Variants in KLF3 observed in about 807,000 individuals in gnomAD.
KLF3 encodes the protein KLF transcription factor 3.
A neutral mutation model predicts 32.7 loss-of-function variants in KLF3; 6 were observed. That is an observed-to-expected ratio of 0.18 (90% CI 0.10 to 0.36). The LOEUF (loss-of-function observed/expected upper bound fraction) is 0.36, where lower values mean the gene tolerates loss of function less well. Ranked by LOEUF, KLF3 falls within the 10% of genes least tolerant of loss-of-function variation. KLF3 has a pLI of 1.00. For synonymous variants in KLF3, 145 were observed against 172.8 expected (o/e 0.84, Z 1.26); for missense variants, 338 against 449.7 (o/e 0.75, Z 2.25).
chr4:38,665,923 T>C (rs2109336102), intron 1 of KLF3, among the ~76,000 whole-genome samples: 1 of 152,320 alleles, frequency 6.6e-6, no homozygotes, highest in Non-Finnish European at 1.5e-5. Flanking sequence ...TATCTACAAA[T>C]TTTTTGGAGT....
In KLF3 at chr4:38,688,886, C is replaced by T. The variant is rs1722785317; in HGVS notation, c.359C>T (p.Pro120Leu). 3 of 1,614,088 alleles carry T rather than the reference C, an allele frequency of 1.9e-6. No individual in the cohort carries two copies. The highest frequency in any genetic ancestry group is 1.7e-5 in the Admixed American group (1 of 60,008). Residue 120 changes from proline to leucine, a missense_variant, in exon 3 of 6, where the codon CCG becomes CTG. Physicochemically the swap from Pro to Leu is moderately conservative, Grantham distance 98. Around this residue, in one of 2 missense-constraint regions of KLF3, gnomAD observed 272 missense variants for 313.4 expected, o/e 0.87. Coordinates refer to ENST00000261438, the MANE Select transcript of KLF3 (RefSeq NM_016531.6). This position sits in a 1 kb window ranked among gnomAD's most constrained non-coding sequence, Gnocchi z 4.9. ...CCAGGCGTGCAGCCCTTCGGCGTGC[C>T]GCTGTCCATGCCACCAGTGATGGCA... The part of the protein sequence containing the change: ...PSPGVQPFGV[P>L]LSMPPVMAAA...
chr4:38,689,648 G>T (rs1722818157), intron 3 of KLF3, 81 bp from the exon 4 acceptor site: 2 of 979,150 alleles, frequency 2.0e-6, no homozygotes, highest in South Asian at 3.2e-5. Flanking sequence ...CTGTGTTGTA[G>T]GTAGGAGCTA....
At chr4:38,680,219 A>C (rs532027106) in intron 1 of KLF3, among the ~76,000 whole-genome samples, 1 of 151,488 alleles carries the variant, frequency 6.6e-6, no homozygotes, top group Admixed American at 6.6e-5. Context: ...TTATTTATTT[A>C]TGTTTTTTTT....
chr4:38,694,690 G>C (rs1034119487), intron 4 of KLF3, 56 bp from the exon 5 acceptor site: 2 of 1,439,070 alleles, frequency 1.4e-6, no homozygotes, highest in African/African-American at 2.9e-5. Flanking sequence ...TTAGTAGACT[G>C]ATGAAAAAGG....
chr4:38,667,661 T>A (rs1277042126), intron 1 of KLF3, among the ~76,000 whole-genome samples: 1 of 152,250 alleles, frequency 6.6e-6, no homozygotes, highest in Non-Finnish European at 1.5e-5. Context: ...GGTTAGGGCG[T>A]TTGTTTTAAG....
chr4:38,667,226 C>T (rs2615618), intron 1 of KLF3, among the ~76,000 whole-genome samples: 1 of 152,232 alleles, frequency 6.6e-6, no homozygotes, highest in Non-Finnish European at 1.5e-5. Flanking sequence ...AAATGTTTCT[C>T]TGTGCTTTCT....
chr4:38,677,892 T>TGTGTGTGG (rs1359575811), intron 1 of KLF3, among the ~76,000 whole-genome samples: 2 of 151,656 alleles, frequency 1.3e-5, no homozygotes, highest in African/African-American at 4.8e-5. Flanking sequence ...TGTGTGTGTG[T>TGTGTGTGG]GTGTGTGTGT....
chr4:38,681,500 C>T (rs1390504688), intron 2 of KLF3, among the ~76,000 whole-genome samples: 1 of 152,154 alleles, frequency 6.6e-6, no homozygotes, highest in East Asian at 1.9e-4. Context: ...TAGCGCTAAG[C>T]CAGCCCCTCA....
At chr4:38,689,491 T>C (rs1041753415) in intron 3 of KLF3, among the ~76,000 whole-genome samples, 3 of 152,216 alleles carry the variant, frequency 2.0e-5, no homozygotes, top group Non-Finnish European at 2.9e-5. Context: ...TCCAGAATTA[T>C]AAGAACGAAT....
chr4:38,673,664 T>G (rs1221489941), intron 1 of KLF3, among the ~76,000 whole-genome samples: 1 of 152,102 alleles, frequency 6.6e-6, no homozygotes, highest in African/African-American at 2.4e-5. Flanking sequence ...GAGGGTAGCA[T>G]AGGTGTGGGT....
Position 38,697,403 on chromosome 4 carries a change from A to C in KLF3, c.*140A>C. ...CTGAATCTCTGAATTTATATCATCC[A>C]AAACTTCCATATGGTCAGTAGTAGA... On this transcript the variant is annotated 3_prime_UTR_variant, in exon 6 of 6. Coordinates refer to ENST00000261438, the MANE Select transcript of KLF3 (RefSeq NM_016531.6). 4 of 773,996 alleles carry C rather than the reference A, an allele frequency of 5.2e-6. No individual in the cohort carries two copies. Among genetic ancestry groups the C allele is most frequent in the Non-Finnish European group, 8.0e-6 (4 of 497,450 alleles). 47.9% of individuals were successfully genotyped at this position (773,996 alleles called of 1,614,324 possible).
chr4:38,693,675 GAGAA>G (rs1722953673), intron 4 of KLF3, among the ~76,000 whole-genome samples: 5 of 152,204 alleles, frequency 3.3e-5, no homozygotes, highest in South Asian at 2.1e-4. Flanking sequence ...AAATATGAAA[GAGAA>G]AGAAGTCTTT....
At chr4:38,682,179 C>G (rs1394046780) in intron 2 of KLF3, among the ~76,000 whole-genome samples, 1 of 152,258 alleles carries the variant, frequency 6.6e-6, no homozygotes, top group East Asian at 1.9e-4. Flanking sequence ...CTGCCTCAGC[C>G]ACCATAGTAG....
chr4:38,690,178 A>T (rs1221156352), intron 4 of KLF3: 1 of 344,204 alleles, frequency 2.9e-6, no homozygotes, highest in Non-Finnish European at 5.2e-6. Context: ...CTTCCAGGCT[A>T]TGTATACTTA....
chr4:38,684,312 A>AG (rs1334524222), intron 2 of KLF3, among the ~76,000 whole-genome samples: 20 of 152,188 alleles, frequency 1.3e-4, no homozygotes, highest in Non-Finnish European at 2.2e-4. Context: ...TCACCTTATC[A>AG]GTAATAAAAA....
intron 5 of KLF3, 119 bp from the exon 6 acceptor site, chr4:38,696,962 TG>T: frequency 1.3e-6 from 1 of 795,736 alleles, no homozygotes; most frequent in Non-Finnish European, 2.0e-6. Flanking sequence ...TAATGCACTG[TG>T]TTATTGAAGA....
At chr4:38,669,614 C>T (rs1237204739) in intron 1 of KLF3, among the ~76,000 whole-genome samples, 3 of 151,960 alleles carry the variant, frequency 2.0e-5, no homozygotes, top group Non-Finnish European at 4.4e-5. Context: ...TGTCCTCGGC[C>T]GGGCGCGGTG....
chr4:38,669,410 G>A (rs369022190), intron 1 of KLF3, among the ~76,000 whole-genome samples: 3 of 152,148 alleles, frequency 2.0e-5, no homozygotes, highest in African/African-American at 4.8e-5. Context: ...AGTCATGCCC[G>A]AGCTGGAGAC....
At position 38,688,124 on chromosome 4, in the gene KLF3, T is replaced by C. The variant is rs17428945; in HGVS notation, c.58-461T>C. Among the ~76,000 whole-genome samples, 27,208 of 152,160 alleles carry C rather than the reference T, an allele frequency of 0.18. 2,542 individuals are homozygous for C. The highest frequency in any genetic ancestry group is 0.21 in the Non-Finnish European group (14,225 of 67,982). On this transcript the variant is annotated intron_variant, in intron 2 of 5. Transcript: ENST00000261438. This position sits in a 1 kb window ranked among gnomAD's most constrained non-coding sequence, Gnocchi z 4.9. ...CTGAGAAAGAGCTGTCCTGCCGAAGTTAGACATCAAAGCTAGAGAGCATTT... is the reference window on the plus strand; with the variant it reads ...CTGAGAAAGAGCTGTCCTGCCGAAGCTAGACATCAAAGCTAGAGAGCATTT...
Sources: allele counts gnomAD v4.1 joint callset (sites outside exome capture counted in the v4.1 genomes callset), GRCh38; gene constraint gnomAD v4.1.1; regional missense constraint gnomAD v4.1.1; non-coding constraint Gnocchi (gnomAD v3.1); transcripts MANE v1.5; gene names NCBI Gene and HGNC (gene_info 2026-07-23, HGNC 2026-07-21).